The following EPHA3 variants were observed in gnomAD, a reference collection of about 807,000 sequenced individuals.
EPHA3 encodes ephrin type-A receptor 3.
EPHA3 carries 42 observed loss-of-function variants against 107.1 expected under a neutral mutation model. The observed-to-expected ratio is 0.39, with a 90% CI of 0.31 to 0.51. The LOEUF is 0.51. Among genes scored for constraint, EPHA3 ranks in the 20% least tolerant of loss-of-function variants. The pLI, the probability that EPHA3 is intolerant of heterozygous loss-of-function variation, is 0.78. For synonymous variants in EPHA3, 461 were observed against 424.8 expected, an observed-to-expected ratio of 1.09 and a Z score of -1.05; for missense variants, 1,183 against 1,211.2, an observed-to-expected ratio of 0.98 and a Z score of 0.35.
At chr3:89,413,444 C>A (rs867585015) in intron 10 of EPHA3, among the ~76,000 whole-genome samples, 178 bp downstream of exon 10, 1 of 151,732 alleles carries the variant, frequency 6.6e-6, no homozygotes, top group Non-Finnish European at 1.5e-5. Context: ...GCCAGACTTA[C>A]CGGCTCACAG....
intron 1 of EPHA3, among the ~76,000 whole-genome samples, chr3:89,117,167 G>T (rs994889612): frequency 6.6e-6 from 1 of 152,020 alleles, no homozygotes; most frequent in African/African-American, 2.4e-5. Flanking sequence ...CATTCATTTT[G>T]AGAAGGTTAA....
intron 3 of EPHA3, among the ~76,000 whole-genome samples, chr3:89,339,948 A>G (rs1707480100): frequency 6.6e-6 from 1 of 152,198 alleles, no homozygotes; most frequent in Non-Finnish European, 1.5e-5. Context: ...TCCTTCTCAA[A>G]TGAATTACTA....
intron 3 of EPHA3, among the ~76,000 whole-genome samples, chr3:89,226,822 C>A (rs1300327359): frequency 1.3e-5 from 2 of 152,032 alleles, no homozygotes; most frequent in Admixed American, 1.3e-4. Context: ...TAATTAGCTA[C>A]TTTGCAAATG....
chr3:89,154,545 A>G (rs1416991599), intron 2 of EPHA3, among the ~76,000 whole-genome samples: 2 of 151,794 alleles, frequency 1.3e-5, no homozygotes, highest in Non-Finnish European at 2.9e-5. Context: ...AGATTTATTT[A>G]TTTAATGAAC....
chr3:89,444,868 G>A (rs556157087), intron 13 of EPHA3, among the ~76,000 whole-genome samples: 1 of 152,166 alleles, frequency 6.6e-6, no homozygotes, highest in South Asian at 2.1e-4. Flanking sequence ...CATTATTGGA[G>A]CTAAACTAAT....
At chr3:89,247,311 T>C (rs1427792767) in intron 3 of EPHA3, among the ~76,000 whole-genome samples, 1 of 152,090 alleles carries the variant, frequency 6.6e-6, no homozygotes, top group African/African-American at 2.4e-5. Context: ...ACTTAAATAA[T>C]TAATAGAAAA....
intron 2 of EPHA3, among the ~76,000 whole-genome samples, chr3:89,198,505 A>G (rs1364909750): frequency 1.3e-5 from 2 of 152,168 alleles, no homozygotes; most frequent in East Asian, 3.9e-4. Flanking sequence ...CTCAACGGAT[A>G]AAAGATTAAA....
chr3:89,202,429 T>A (rs1464559769), intron 2 of EPHA3, among the ~76,000 whole-genome samples: 1 of 148,950 alleles, frequency 6.7e-6, no homozygotes, highest in Non-Finnish European at 1.5e-5. Context: ...GGCAGGAGAA[T>A]CACTTGAACC....
intron 3 of EPHA3, among the ~76,000 whole-genome samples, chr3:89,269,909 C>T (rs941727920): frequency 6.6e-6 from 1 of 151,710 alleles, no homozygotes; most frequent in Non-Finnish European, 1.5e-5. Context: ...AAGATAGAGT[C>T]TAAATTCTCT....
chr3:89,422,469 T>A (rs1037669714), intron 11 of EPHA3, among the ~76,000 whole-genome samples: 9 of 151,498 alleles, frequency 5.9e-5, no homozygotes, highest in African/African-American at 1.9e-4. Context: ...TGAGTTCAAG[T>A]TCTGAAACAA....
intron 2 of EPHA3, among the ~76,000 whole-genome samples, chr3:89,170,075 C>T (rs1370783352): frequency 1.3e-5 from 2 of 151,800 alleles, no homozygotes; most frequent in Admixed American, 1.3e-4. Context: ...GTTGAAATCC[C>T]GTCTCTACTA....
At chr3:89,141,897 A>T (rs1704439114) in intron 2 of EPHA3, among the ~76,000 whole-genome samples, 1 of 151,390 alleles carries the variant, frequency 6.6e-6, no homozygotes, top group Admixed American at 6.6e-5. Context: ...ATAATTTCTA[A>T]ATTGCTGGAA....
chr3:89,384,419 G>T (rs980749336), intron 5 of EPHA3, among the ~76,000 whole-genome samples: 6 of 152,244 alleles, frequency 3.9e-5, no homozygotes, highest in African/African-American at 1.4e-4. Context: ...AAACTTAACT[G>T]AATTTAGGAA....
At chr3:89,175,376 C>T (rs6807840) in intron 2 of EPHA3, among the ~76,000 whole-genome samples, 144,543 of 152,158 alleles carry the variant, frequency 0.95, 68,736 homozygotes, top group African/African-American at 0.97. Flanking sequence ...AAGATCCTTT[C>T]TAACTACAAG....
intron 2 of EPHA3, among the ~76,000 whole-genome samples, chr3:89,154,466 A>G (rs1214467178): frequency 6.6e-6 from 1 of 151,958 alleles, no homozygotes; most frequent in Non-Finnish European, 1.5e-5. Context: ...CTAATTATGT[A>G]TAAATGAAGT....
intron 15 of EPHA3, among the ~76,000 whole-genome samples, chr3:89,454,756 CTG>C (rs1710063047): frequency 6.6e-6 from 1 of 152,132 alleles, no homozygotes; most frequent in Non-Finnish European, 1.5e-5. Flanking sequence ...ATTCAGGAGA[CTG>C]GGGCTGGAGG....
At chr3:89,206,611 A>G (rs1175388614) in intron 2 of EPHA3, among the ~76,000 whole-genome samples, 1 of 152,126 alleles carries the variant, frequency 6.6e-6, no homozygotes, top group Admixed American at 6.5e-5. Context: ...TAAAACACTA[A>G]CTTTTAACAC....
chr3:89,368,724 C>CACCCACCTTAGTGGT (rs1412972401), intron 5 of EPHA3, among the ~76,000 whole-genome samples: 1 of 150,284 alleles, frequency 6.7e-6, no homozygotes, highest in Non-Finnish European at 1.5e-5. Context: ...GGATGATGCC[C>CACCCACCTTAGTGGT]ACCCACCTTA....
intron 2 of EPHA3, among the ~76,000 whole-genome samples, chr3:89,136,066 T>G (rs745394223): frequency 3.9e-5 from 6 of 152,090 alleles, no homozygotes; most frequent in Non-Finnish European, 5.9e-5. Flanking sequence ...GGGTTTTATA[T>G]GCAGAAATAA....
Sources: gnomAD v4.1 joint callset for allele counts (sites outside exome capture counted in the v4.1 genomes callset) on GRCh38, gnomAD v4.1.1 for gene constraint, MANE v1.5 for transcripts, NCBI Gene and HGNC (gene_info 2026-07-23, HGNC 2026-07-21) for gene names.